EDNRA: variants seen among roughly 807,000 people sequenced by gnomAD.
EDNRA encodes endothelin receptor type A, also known as endothelin-1 receptor.
In EDNRA, 11 loss-of-function variants were observed where a neutral mutation model predicts 41.4. That is an observed-to-expected ratio of 0.27 (90% CI 0.17 to 0.44). The LOEUF (loss-of-function observed/expected upper bound fraction) is 0.44, where lower values mean the gene tolerates loss of function less well. EDNRA is among the 20% of genes least tolerant of loss of function. EDNRA has a pLI of 1.00. For missense variants in EDNRA, 294 were observed against 531.0 expected, an observed-to-expected ratio of 0.55 and a Z score of 4.39; for synonymous variants, 172 against 183.0, an observed-to-expected ratio of 0.94 and a Z score of 0.49.
rs985243443 is a variant in EDNRA at position 147,544,813 on chromosome 4, T to G, written c.*2195T>G. 6.6e-6 allele frequency: 1 copy of G among 152,670 alleles called. No individual in the cohort carries two copies. Among genetic ancestry groups the G allele is most frequent in the Admixed American group, 6.5e-5 (1 of 15,282 alleles). 9.5% of individuals were successfully genotyped at this position (152,670 alleles called of 1,614,324 possible). A position where few individuals can be genotyped will look rare whatever the true frequency, so the allele number is the denominator to read the frequency against. ...TTTTATTTATGGACTGGTAAGTAAC[T>G]GTGGTTTACTAGCAGGAATATTTCC... On this transcript the variant is annotated 3_prime_UTR_variant, in exon 8 of 8. Coordinates refer to ENST00000651419, the MANE Select transcript of EDNRA (RefSeq NM_001957.4).
intron 6 of EDNRA, among the ~76,000 whole-genome samples, chr4:147,540,161 G>C (rs1731049926): frequency 6.6e-6 from 1 of 152,120 alleles, no homozygotes; most frequent in Non-Finnish European, 1.5e-5. Context: ...CTGAGGCTGT[G>C]CATAAGGGTT....
intron 2 of EDNRA, chr4:147,505,987 A>G: frequency 2.7e-6 from 1 of 366,098 alleles, no homozygotes. Flanking sequence ...TTACCATAAG[A>G]CCCAGCAGTT....
rs1191665922 is a variant in EDNRA, at chr4:147,523,703, G to A, written c.548+3725G>A. Among the ~76,000 whole-genome samples, 3 of 151,986 alleles carry A rather than the reference G, an allele frequency of 2.0e-5. No individual in the cohort carries two copies. The East Asian group carries it at 5.8e-4, about 29-fold the overall frequency. ...GACGGGGTTTCACCGTGTTAGCCAG[G>A]ATGGTTTCGATCTCCTGATCTCGTG... On this transcript the variant is annotated intron_variant, in intron 3 of 7. Transcript: ENST00000651419.
chr4:147,497,149 CTTTTT>C (rs11330586), intron 2 of EDNRA, among the ~76,000 whole-genome samples: 1 of 75,030 alleles, frequency 1.3e-5, no homozygotes, highest in African/African-American at 5.4e-5. Flanking sequence ...TAGAATTCTT[CTTTTT>C]TTTTTTTTTT....
rs1560893269 is a variant in EDNRA at position 147,490,153 on chromosome 4, ACACACACACACAC to A, written c.420+4053_420+4065del. 1.2e-4 allele frequency: 7 copies of A among 58,584 alleles called. No homozygotes were observed. In the African/African-American group the frequency reaches 1.3e-3, roughly 11 times the overall value. The allele number at this position is 58,584 out of a possible 1,614,324, so 3.6% of individuals were successfully genotyped here. A position where few individuals can be genotyped will look rare whatever the true frequency, so the allele number is the denominator to read the frequency against. ...AGCCCTTGCTTACATACACTCACAC[ACACACACACACAC>A]ACACACACACACACACACACAACCT... On this transcript the variant is annotated intron_variant, in intron 2 of 7. Coordinates refer to ENST00000651419, the MANE Select transcript of EDNRA (RefSeq NM_001957.4).
chr4:147,523,497 G>GTT (rs558896838), intron 3 of EDNRA, among the ~76,000 whole-genome samples: 6 of 98,494 alleles, frequency 6.1e-5, no homozygotes, highest in African/African-American at 2.7e-4. Context: ...TGTTTTTTTT[G>GTT]TTTTTTTTTT....
intron 3 of EDNRA, among the ~76,000 whole-genome samples, chr4:147,527,270 TTA>T (rs1730586005): frequency 6.6e-6 from 1 of 152,058 alleles, no homozygotes; most frequent in Non-Finnish European, 1.5e-5. Context: ...AGAAAAAAAA[TTA>T]TGTGTACAAA....
intron 7 of EDNRA, among the ~76,000 whole-genome samples, chr4:147,540,984 C>T (rs1002144913): frequency 2.8e-5 from 4 of 140,886 alleles, no homozygotes; most frequent in African/African-American, 1.1e-4. Flanking sequence ...CGGAGAATGG[C>T]GTGAACCCAA....
chr4:147,485,614 G>GA lies in EDNRA; in HGVS notation c.-60dup, dbSNP rs145830146. 8.7e-6 allele frequency: 13 copies of GA among 1,495,680 alleles called. No homozygotes were observed. The highest frequency in any genetic ancestry group is 2.8e-5 in the African/African-American group (2 of 71,126). 92.7% of individuals were successfully genotyped at this position (1,495,680 alleles called of 1,614,324 possible). On this transcript the variant is annotated 5_prime_UTR_variant, in exon 2 of 8. Transcript: ENST00000651419. The stretch of plus-strand genomic sequence containing the variant: ...AATTATTTTTCCTTTTGTTTCAGGT[G>GA]AAAAAAAAGTGAAGGTGTAAAAGCA...
At chr4:147,524,522 GAAAGAAAAGAAAAA>G (rs1473691612) in intron 3 of EDNRA, among the ~76,000 whole-genome samples, 4 of 151,618 alleles carry the variant, frequency 2.6e-5, no homozygotes, top group East Asian at 1.9e-4. Flanking sequence ...GGAAGGAAAA[GAAAGAAAAGAAAAA>G]AAAGAAAAGA....
intron 1 of EDNRA, among the ~76,000 whole-genome samples, chr4:147,483,765 G>A (rs972566742): frequency 2.0e-5 from 3 of 150,074 alleles, no homozygotes; most frequent in Non-Finnish European, 4.4e-5. Flanking sequence ...TGCTGCTCAG[G>A]ATGGAGTGCA....
chr4:147,515,775 G>C lies in EDNRA; in HGVS notation c.421-4076G>C, dbSNP rs566078707. On this transcript the variant is annotated intron_variant, in intron 2 of 7. Transcript: ENST00000651419. ...ATACTTAAGAGGTCCCAACCAATGA[G>C]ATCTTGCATTGCACTAAATATAGTG... Among the ~76,000 whole-genome samples the C allele has an allele frequency of 1.6e-4, 25 of 152,274 alleles. No individual in the cohort carries two copies. In the South Asian group the frequency reaches 5.0e-3, roughly 30 times the overall value.
intron 2 of EDNRA, chr4:147,494,683 T>C (rs1729249628): frequency 6.6e-6 from 1 of 152,106 alleles, no homozygotes; most frequent in South Asian, 2.1e-4. Flanking sequence ...AACAGGACAA[T>C]TTTGAGAGTG....
At position 147,536,058 on chromosome 4, in the gene EDNRA, G is replaced by T. The variant is rs780933036; in HGVS notation, c.900+29G>T. ...AATCCCATAACATCATGAAAATCTG[G>T]CCAGGACTGGTTAGTCCTTGACAGC... On this transcript the variant is annotated intron_variant, in intron 5 of 7. Coordinates refer to ENST00000651419, the MANE Select transcript of EDNRA (RefSeq NM_001957.4). 8 of 1,613,004 alleles carry T rather than the reference G, an allele frequency of 5.0e-6. No individual in the cohort carries two copies. In the South Asian group the frequency reaches 7.7e-5, roughly 16 times the overall value.
intron 3 of EDNRA, among the ~76,000 whole-genome samples, chr4:147,525,034 G>A (rs1215725925): frequency 2.6e-5 from 4 of 152,196 alleles, no homozygotes; most frequent in African/African-American, 7.2e-5. Flanking sequence ...CCAGGACAAA[G>A]AGTTCCCATG....
intron 2 of EDNRA, among the ~76,000 whole-genome samples, chr4:147,512,716 C>G (rs532275678): frequency 3.3e-5 from 5 of 152,230 alleles, no homozygotes; most frequent in Non-Finnish European, 7.3e-5. Context: ...GGGACAAAGT[C>G]ACCCGAGCCT....
intron 2 of EDNRA, chr4:147,506,857 G>A (rs1432526020): frequency 6.3e-6 from 1 of 159,670 alleles, no homozygotes; most frequent in Non-Finnish European, 1.4e-5. Context: ...TGTTAATGGG[G>A]GCTAAGTGGC....
At chr4:147,503,639 C>A (rs984869154) in intron 2 of EDNRA, among the ~76,000 whole-genome samples, 3 of 152,128 alleles carry the variant, frequency 2.0e-5, no homozygotes, top group African/African-American at 7.2e-5. Flanking sequence ...TAATTTTTTG[C>A]TATACCAGCA....
intron 2 of EDNRA, among the ~76,000 whole-genome samples, chr4:147,516,659 C>T (rs1200082606): frequency 6.6e-6 from 1 of 152,126 alleles, no homozygotes; most frequent in African/African-American, 2.4e-5. Context: ...TCTGAGGTGC[C>T]TGATTAACCC....
Sources: allele counts gnomAD v4.1 joint callset (sites outside exome capture counted in the v4.1 genomes callset), GRCh38; gene constraint gnomAD v4.1.1; transcripts MANE v1.5; gene names NCBI Gene and HGNC (gene_info 2026-07-23, HGNC 2026-07-21).